The following ITGB3BP variants were observed in gnomAD, a reference collection of about 807,000 sequenced individuals.
ITGB3BP encodes integrin subunit beta 3 binding protein, also known as centromere protein R.
A neutral mutation model predicts 29.1 loss-of-function variants in ITGB3BP; 27 were observed. That is an observed-to-expected ratio of 0.93 (90% CI 0.68 to 1.28). ITGB3BP has a LOEUF of 1.28. ITGB3BP is among the 50% of genes most tolerant of loss of function. ITGB3BP has a pLI of 0.00. For synonymous variants in ITGB3BP, 61 were observed against 61.4 expected (o/e 0.99, Z 0.03); for missense variants, 192 against 200.2 (o/e 0.96, Z 0.25).
intron 4 of ITGB3BP, among the ~76,000 whole-genome samples, chr1:63,466,819 T>C (rs1485408640): frequency 6.6e-6 from 1 of 152,196 alleles, no homozygotes; most frequent in African/African-American, 2.4e-5. Flanking sequence ...CTAAATGTTT[T>C]ATTAGGTAAG....
At chr1:63,516,143 C>A (rs1646315104) in intron 1 of ITGB3BP, among the ~76,000 whole-genome samples, 1 of 151,296 alleles carries the variant, frequency 6.6e-6, no homozygotes, top group South Asian at 2.1e-4. Flanking sequence ...GAAAATTAGG[C>A]CAGGCATGGT....
At chr1:63,523,938 G>A (rs1196768559), upstream of ITGB3BP, among the ~76,000 whole-genome samples, 1 of 152,082 alleles carries the variant, frequency 6.6e-6, no homozygotes, top group Non-Finnish European at 1.5e-5. Context: ...CTATTGTGTG[G>A]CTGGTTATTT....
At chr1:63,525,747 C>G (rs756392553), upstream of ITGB3BP, 3 of 1,563,312 alleles carry the variant, frequency 1.9e-6, no homozygotes, top group South Asian at 3.7e-5. Flanking sequence ...TTCTAAAGAT[C>G]AACTTTACTT....
At chr1:63,516,369 G>GC (rs1292198396) in intron 1 of ITGB3BP, among the ~76,000 whole-genome samples, 1 of 140,596 alleles carries the variant, frequency 7.1e-6, no homozygotes, top group African/African-American at 2.6e-5. Flanking sequence ...GGGGAGAAGG[G>GC]GGGGGGAAGG....
At chr1:63,489,398 T>C (rs1224833942) in intron 3 of ITGB3BP, among the ~76,000 whole-genome samples, 1 of 138,308 alleles carries the variant, frequency 7.2e-6, no homozygotes, top group Non-Finnish European at 1.6e-5. Context: ...CACTGATTCA[T>C]AACCTTTCTC....
chr1:63,502,979 T>A (rs1271032139), intron 2 of ITGB3BP, among the ~76,000 whole-genome samples: 2 of 152,180 alleles, frequency 1.3e-5, no homozygotes, highest in Non-Finnish European at 2.9e-5. Context: ...AACATACGTG[T>A]GCATGTGTCT....
chr1:63,491,835 C>CT (rs769071356), intron 2 of ITGB3BP, among the ~76,000 whole-genome samples: 4 of 151,210 alleles, frequency 2.6e-5, no homozygotes, highest in East Asian at 1.9e-4. Context: ...CTAAAGCAAT[C>CT]TTTTTTTTTG....
chr1:63,479,528 C>A (rs1208208936), intron 3 of ITGB3BP, among the ~76,000 whole-genome samples: 1 of 152,060 alleles, frequency 6.6e-6, no homozygotes, highest in East Asian at 1.9e-4. Flanking sequence ...GTCAATTATA[C>A]AATAATTGAA....
chr1:63,466,484 T>C (rs1645102130), intron 4 of ITGB3BP, among the ~76,000 whole-genome samples: 1 of 152,236 alleles, frequency 6.6e-6, no homozygotes, highest in Non-Finnish European at 1.5e-5. Context: ...CAGCAGGGCA[T>C]TGCCACCAAC....
chr1:63,476,615 T>C (rs922524820), intron 4 of ITGB3BP, among the ~76,000 whole-genome samples: 3 of 152,150 alleles, frequency 2.0e-5, no homozygotes, highest in Non-Finnish European at 4.4e-5. Flanking sequence ...TCTAAATAAA[T>C]TGATGGGTTT....
chr1:63,522,887 A>T (rs748385351), intron 1 of ITGB3BP: 6 of 687,992 alleles, frequency 8.7e-6, no homozygotes, highest in Non-Finnish European at 1.6e-5. Context: ...AATACAGCCC[A>T]CAGTTTACGA....
chr1:63,468,892 A>AATAAATAC (rs1405256044), intron 4 of ITGB3BP, among the ~76,000 whole-genome samples: 1 of 150,902 alleles, frequency 6.6e-6, no homozygotes, highest in East Asian at 1.9e-4. Flanking sequence ...TAAATAAATA[A>AATAAATAC]ATAAATAAAT....
intron 2 of ITGB3BP, among the ~76,000 whole-genome samples, chr1:63,494,400 T>G (rs946696854): frequency 1.3e-5 from 2 of 152,060 alleles, no homozygotes; most frequent in African/African-American, 4.8e-5. Context: ...ATTATAGGTG[T>G]GAGATACCAC....
chr1:63,515,267 T>G (rs1646289250), intron 1 of ITGB3BP, among the ~76,000 whole-genome samples: 1 of 152,180 alleles, frequency 6.6e-6, no homozygotes. Context: ...GAAAATCTTC[T>G]GTTATCCCCA....
intron 7 of ITGB3BP, chr1:63,447,542 A>G (rs756490405): frequency 6.3e-6 from 3 of 475,270 alleles, no homozygotes; most frequent in South Asian, 4.6e-5. Context: ...GGGAGCCTCA[A>G]AGATGAAGCA....
intron 2 of ITGB3BP, among the ~76,000 whole-genome samples, chr1:63,502,772 T>C (rs576899481): frequency 6.6e-6 from 1 of 151,342 alleles, no homozygotes; most frequent in Admixed American, 6.6e-5. Context: ...GTGTTTGGTT[T>C]TTTGTCCTTG....
intron 1 of ITGB3BP, among the ~76,000 whole-genome samples, chr1:63,519,405 T>G (rs1294912267): frequency 1.3e-5 from 2 of 152,124 alleles, no homozygotes; most frequent in Non-Finnish European, 2.9e-5. Context: ...GCATATTGCT[T>G]TCACACTATT....
intron 1 of ITGB3BP, among the ~76,000 whole-genome samples, chr1:63,514,506 A>C (rs1646267766): frequency 6.6e-6 from 1 of 152,066 alleles, no homozygotes; most frequent in Non-Finnish European, 1.5e-5. Context: ...TCTTTTATTA[A>C]CTATTGGTTC....
intron 2 of ITGB3BP, among the ~76,000 whole-genome samples, chr1:63,492,189 CTGTGTGTGTGTGTGTGTG>C (rs10610086): frequency 6.7e-6 from 1 of 148,966 alleles, no homozygotes; most frequent in Non-Finnish European, 1.5e-5. Flanking sequence ...TGCATGTGCT[CTGTGTGTGTGTGTGTGTG>C]TGTGTGTGTG....
Sources: gnomAD v4.1 joint callset for allele counts (sites outside exome capture counted in the v4.1 genomes callset) on GRCh38, gnomAD v4.1.1 for gene constraint, MANE v1.5 for transcripts, NCBI Gene and HGNC (gene_info 2026-07-23, HGNC 2026-07-21) for gene names.